PTPRS: variants seen among roughly 807,000 people sequenced by gnomAD.
PTPRS encodes receptor-type tyrosine-protein phosphatase S.
Under a neutral mutation model 215.3 loss-of-function variants are expected in PTPRS, and 63 were observed. That is an observed-to-expected ratio of 0.29 (90% confidence interval 0.24 to 0.36). The LOEUF is 0.36. PTPRS is among the 10% of genes least tolerant of loss of function. PTPRS has a pLI of 1.00. For missense variants in PTPRS, 2,258 were observed against 2,825.8 expected, an observed-to-expected ratio of 0.80 and a Z score of 4.56; for synonymous variants, 1,404 against 1,191.4, an observed-to-expected ratio of 1.18 and a Z score of -3.68.
In PTPRS at chr19:5,293,675, G is replaced by T. The variant is rs1272118397; in HGVS notation, c.-94-7441C>A. Among the ~76,000 whole-genome samples, 1 of 152,004 alleles carries T rather than the reference G, an allele frequency of 6.6e-6. No individual in the cohort carries two copies. The highest frequency in any genetic ancestry group is 2.4e-5 in the African/African-American group (1 of 41,406). On this transcript the variant is annotated intron_variant, in intron 1 of 37. Transcript: ENST00000262963. This position sits in a 1 kb window ranked among gnomAD's most constrained non-coding sequence, Gnocchi z 8.4. ...GAGAAGGGGCAGAGTTCCCCTCCCA[G>T]TCTGGGTGGGACCGGAGGCACGGTG...
At chr19:5,227,847 A>G (rs1457652130) in intron 16 of PTPRS, among the ~76,000 whole-genome samples, 1 of 152,086 alleles carries the variant, frequency 6.6e-6, no homozygotes, top group African/African-American at 2.4e-5. Flanking sequence ...AATGAATGAC[A>G]GCACAGAACA....
chr19:5,215,150 G>C, intron 28 of PTPRS, 139 bp downstream of exon 28: 1 of 1,109,544 alleles, frequency 9.0e-7, no homozygotes, highest in South Asian at 1.5e-5. Flanking sequence ...CATATCTAAA[G>C]ATGCCCAGTG....
Position 5,222,724 on chromosome 19 carries a change from G to T in PTPRS, c.3068C>A (p.Pro1023His). Residue 1023 changes from proline (P) to histidine (H), a missense_variant, in exon 18 of 38, where the codon CCC becomes CAC. Transcript: ENST00000262963. ...CAGGAACGTCCGGTAGCGGACGGGG[G>T]GGCTGAAGGGGCCAGGGCCCCGGCG... The part of the protein sequence containing the change: ...HTRRGPGPFS[P>H]PVRYRTFLRD... The T allele has an allele frequency of 6.3e-7, 1 of 1,596,010 alleles. No homozygotes were observed.
At chr19:5,270,177 C>T (rs1251282774) in intron 4 of PTPRS, among the ~76,000 whole-genome samples, 1 of 152,188 alleles carries the variant, frequency 6.6e-6, no homozygotes, top group African/African-American at 2.4e-5. Flanking sequence ...TTCCTCCATC[C>T]CCCAGCAGGA....
Position 5,221,164 on chromosome 19 carries a change from A to G in PTPRS, c.3291T>C (p.Phe1097=). 6.2e-7 allele frequency: 1 copy of G among 1,613,528 alleles called. No homozygotes were observed. The highest frequency in any genetic ancestry group is 8.5e-7 in the Non-Finnish European group (1 of 1,179,962). Residue 1097 remains phenylalanine, a synonymous_variant, in exon 20 of 38, where the codon TTT becomes TTC. Transcript: ENST00000262963. ...GGCTGCTGCCGCGATTGGTCAGCAC[A>G]AAGTTGTAGAAGGTGTGGGGCTTGA... ...THLKPHTFYN[F]VLTNRGSSLG... is the part of the protein sequence containing the mutation.
intron 9 of PTPRS, among the ~76,000 whole-genome samples, chr19:5,252,962 G>T (rs1297509949): frequency 6.6e-6 from 1 of 152,056 alleles, no homozygotes; most frequent in Non-Finnish European, 1.5e-5. Context: ...GCATCAGAGG[G>T]TGGCAAACCA....
chr19:5,325,766 T>G (rs1286809412), intron 1 of PTPRS, among the ~76,000 whole-genome samples: 1 of 152,186 alleles, frequency 6.6e-6, no homozygotes, highest in Non-Finnish European at 1.5e-5. Context: ...TAAACAACTG[T>G]CAGGGAAAAT....
chr19:5,263,888 C>A (rs1464822912), intron 5 of PTPRS, among the ~76,000 whole-genome samples: 2 of 152,222 alleles, frequency 1.3e-5, no homozygotes, highest in Non-Finnish European at 2.9e-5. Flanking sequence ...GGCCTGCACA[C>A]CTGTGCCCAC....
chr19:5,223,364 G>T, intron 17 of PTPRS, 67 bp from the exon 18 acceptor site: 1 of 1,384,708 alleles, frequency 7.2e-7, no homozygotes, highest in Non-Finnish European at 9.3e-7. Flanking sequence ...ACAAGGTGGG[G>T]TTGTATTTTT....
intron 13 of PTPRS, among the ~76,000 whole-genome samples, chr19:5,234,675 C>T (rs7253398): frequency 0.018 from 2,719 of 152,252 alleles, 67 homozygotes; most frequent in African/African-American, 0.061. Flanking sequence ...TATTAAACCC[C>T]TACTGCGTGC....
Position 5,269,679 on chromosome 19 carries a change from T to A in PTPRS, c.379+3763A>T, listed in dbSNP as rs141943821. Among the ~76,000 whole-genome samples, 40 of 151,998 alleles carry A rather than the reference T, an allele frequency of 2.6e-4. No homozygotes were observed. The East Asian group carries it at 6.4e-3, about 24-fold the overall frequency. ...GCTGACGCCTATAATCCCAGCACTTTGGGAGGCTGAGGAGGTGGATCACCT... is the reference window on the plus strand; with the variant it reads ...GCTGACGCCTATAATCCCAGCACTTAGGGAGGCTGAGGAGGTGGATCACCT... On this transcript the variant is annotated intron_variant, in intron 4 of 37. Transcript: ENST00000262963.
chr19:5,233,494 G>T (rs1316616714), intron 13 of PTPRS, among the ~76,000 whole-genome samples: 1 of 151,416 alleles, frequency 6.6e-6, no homozygotes, highest in African/African-American at 2.4e-5. Flanking sequence ...CCTACTATGT[G>T]CCAGCACCAA....
intron 9 of PTPRS, among the ~76,000 whole-genome samples, chr19:5,246,905 AAGAG>A (rs948975271): frequency 7.0e-5 from 10 of 142,650 alleles, no homozygotes; most frequent in African/African-American, 2.6e-4. Context: ...GAGAGAGAGA[AAGAG>A]AGAGCGAGCG....
At chr19:5,319,137 C>T (rs897709266) in intron 1 of PTPRS, among the ~76,000 whole-genome samples, 2 of 152,182 alleles carry the variant, frequency 1.3e-5, no homozygotes, top group Non-Finnish European at 2.9e-5. Flanking sequence ...CAAGGCCGGG[C>T]GCAGTGGCTC....
chr19:5,240,761 C>A (rs1470685667), intron 11 of PTPRS, among the ~76,000 whole-genome samples: 2 of 151,468 alleles, frequency 1.3e-5, no homozygotes, highest in African/African-American at 4.8e-5. Context: ...ATGGTGCGAA[C>A]CCGGGAGGCG....
chr19:5,259,163 AAAG>A (rs538833177), intron 7 of PTPRS, among the ~76,000 whole-genome samples: 13 of 152,318 alleles, frequency 8.5e-5, no homozygotes, highest in Middle Eastern at 3.4e-3. Context: ...ATAAAGATAC[AAAG>A]AAGAGGGCAA....
chr19:5,239,140 G>T, intron 12 of PTPRS, 77 bp from the exon 13 acceptor site: 1 of 1,110,114 alleles, frequency 9.0e-7, no homozygotes, highest in Non-Finnish European at 1.3e-6. Context: ...GAGAGAGAGA[G>T]AGACAGAAAC....
In PTPRS at chr19:5,210,404, C is replaced by T. The variant is rs2040761028; in HGVS notation, c.5487+65G>A. ...CCTTGGCCTTTGTATCCATCACCAA[C>T]CAGGGCAGCCCTTTCCAGATCACTA... is the stretch of plus-strand genomic sequence containing the variant. On this transcript the variant is annotated intron_variant, in intron 35 of 37. Transcript: ENST00000262963. This position sits in a 1 kb window ranked among gnomAD's most constrained non-coding sequence, Gnocchi z 4.5. The T allele has an allele frequency of 1.4e-5, 23 of 1,606,994 alleles. No individual in the cohort carries two copies. The highest frequency in any genetic ancestry group is 1.8e-5 in the Non-Finnish European group (21 of 1,175,614).
At chr19:5,309,696 T>C (rs1300592419) in intron 1 of PTPRS, among the ~76,000 whole-genome samples, 3 of 151,794 alleles carry the variant, frequency 2.0e-5, no homozygotes, top group Non-Finnish European at 2.9e-5. Context: ...TGGGAGTCGT[T>C]CTTGACTCAT....
Sources: allele counts gnomAD v4.1 joint callset (sites outside exome capture counted in the v4.1 genomes callset), GRCh38; gene constraint gnomAD v4.1.1; non-coding constraint Gnocchi (gnomAD v3.1); transcripts MANE v1.5; gene names NCBI Gene and HGNC (gene_info 2026-07-23, HGNC 2026-07-21).